Variants in GPR153 observed in about 807,000 individuals in gnomAD.
GPR153 encodes probable G protein-coupled receptor 153.
GPR153 carries 27 observed loss-of-function variants against 34.1 expected under a neutral mutation model. The ratio of observed to expected loss-of-function variants is 0.79; its 90% CI spans 0.58 to 1.09. The LOEUF (loss-of-function observed/expected upper bound fraction) is 1.09. Ranked by LOEUF, GPR153 falls within the 50% of genes least tolerant of loss-of-function variation. The probability of loss-of-function intolerance (pLI) is 0.00; values close to 1 mark genes in which losing one functional copy is unlikely to be tolerated. For missense variants in GPR153, 848 were observed against 860.2 expected, an observed-to-expected ratio of 0.99 and a Z score of 0.18; for synonymous variants, 408 against 405.4, an observed-to-expected ratio of 1.01 and a Z score of -0.08.
At chr1:6,250,405 C>A in intron 5 of GPR153, 35 bp downstream of exon 5, 1 of 1,533,300 alleles carries the variant, frequency 6.5e-7, no homozygotes, top group East Asian at 2.4e-5. Context: ...CCCTGTCACC[C>A]GCAGGTGCGG....
At chr1:6,254,430 G>A in intron 2 of GPR153, 120 bp downstream of exon 2, 1 of 966,712 alleles carries the variant, frequency 1.0e-6, no homozygotes, top group Admixed American at 2.4e-5. Context: ...TCCTGAGCCT[G>A]CCTGCCCTCC....
At chr1:6,255,557 A>T (rs115991373) in intron 1 of GPR153, among the ~76,000 whole-genome samples, 4,525 of 145,556 alleles carry the variant, frequency 0.031, 233 homozygotes, top group African/African-American at 0.11. Flanking sequence ...TCACTGTGGC[A>T]TGGAACTCCT....
Position 6,255,449 on chromosome 1 carries a change from G to A in GPR153, c.-109-435C>T, listed in dbSNP as rs1030946657. On this transcript the variant is annotated intron_variant, in intron 1 of 5. Transcript: ENST00000377893. ...CCTGACCTCGTAATCTGCCCGCCTC[G>A]GCCTCCCAAAGTGCTGGGATTACAA... is the stretch of plus-strand genomic sequence containing the variant. Among the ~76,000 whole-genome samples the A allele has an allele frequency of 7.9e-5, 12 of 151,294 alleles. 1 individual carries two copies. The highest frequency in any genetic ancestry group is 6.9e-3 in the Middle Eastern group (2 of 290).
In GPR153 at chr1:6,251,929, G is replaced by A. The variant is rs950264143; in HGVS notation, c.787-399C>T. ...TCCTGCCTCGGCCTCCCAAAGTGCTGGGATTACGGGTATGAATCACTGTGC... is the reference window on the plus strand; with the variant it reads ...TCCTGCCTCGGCCTCCCAAAGTGCTAGGATTACGGGTATGAATCACTGTGC... On this transcript the variant is annotated intron_variant, in intron 3 of 5. Coordinates refer to ENST00000377893, the MANE Select transcript of GPR153 (RefSeq NM_207370.4). The surrounding 1 kb of genome is among the most constrained non-coding windows in gnomAD (Gnocchi z 4.9). 2.0e-5 allele frequency among the ~76,000 whole-genome samples: 3 copies of A among 152,162 alleles called. No individual in the cohort carries two copies. Among genetic ancestry groups the A allele is most frequent in the Non-Finnish European group, 4.4e-5 (3 of 68,028 alleles).
intron 1 of GPR153, among the ~76,000 whole-genome samples, chr1:6,255,658 T>G (rs1458128887): frequency 7.3e-6 from 1 of 137,744 alleles, no homozygotes; most frequent in Non-Finnish European, 1.6e-5. Flanking sequence ...TTTTTTTTTT[T>G]TTTTTTTTTT....
rs1429041059 is a variant in GPR153, at chr1:6,247,844, G to C, written c.*1494C>G. 6.6e-6 allele frequency: 1 copy of C among 152,306 alleles called. No individual in the cohort carries two copies. The highest frequency in any genetic ancestry group is 1.5e-5 in the Non-Finnish European group (1 of 68,108). The allele number at this position is 152,306 out of a possible 1,614,324, so 9.4% of individuals were successfully genotyped here. On this transcript the variant is annotated 3_prime_UTR_variant, in exon 6 of 6. Coordinates refer to ENST00000377893, the MANE Select transcript of GPR153 (RefSeq NM_207370.4). ...CCTGCCTTGCTCACCTGTGGCCACA[G>C]CTCATACCCCCAGTTACCCCACAGC...
chr1:6,254,038 A>C lies in GPR153; in HGVS notation c.466T>G (p.Phe156Val), dbSNP rs1012715848. ...AVGWHDTSER[F>V]YTHGCRFIVA... ...ATGAAGCGGCAGCCATGGGTGTAGA[A>C]GCGCTCGCTGGTGTCGTGCCAGCCA... Residue 156 changes from phenylalanine to valine, a missense_variant, in exon 3 of 6, where the codon TTC (phenylalanine) becomes GTC (valine). Coordinates refer to ENST00000377893, the MANE Select transcript of GPR153 (RefSeq NM_207370.4). 25 of 1,613,408 alleles carry C rather than the reference A, an allele frequency of 1.5e-5. No individual in the cohort carries two copies. The highest frequency in any genetic ancestry group is 2.1e-5 in the Non-Finnish European group (25 of 1,179,996).
chr1:6,256,642 T>G (rs886510222), intron 1 of GPR153, among the ~76,000 whole-genome samples: 8 of 152,166 alleles, frequency 5.3e-5, no homozygotes, highest in Non-Finnish European at 7.3e-5. Flanking sequence ...AGTGCTGGGA[T>G]TACAGGCATG....
Position 6,251,252 on chromosome 1 carries a change from C to A in GPR153, c.979+86G>T. On this transcript the variant is annotated intron_variant, in intron 4 of 5. Transcript: ENST00000377893. This position sits in a 1 kb window ranked among gnomAD's most constrained non-coding sequence, Gnocchi z 4.9. The stretch of plus-strand genomic sequence containing the variant: ...GAGAATGAAGTCACCTCCTTAGTGG[C>A]GTTGCCTGACAGCCGTTTTCCTGCC... 1 of 1,033,632 alleles carries A rather than the reference C, an allele frequency of 9.7e-7. No individual in the cohort carries two copies. Among genetic ancestry groups the A allele is most frequent in the African/African-American group, 1.6e-5 (1 of 62,654 alleles). 64.0% of individuals were successfully genotyped at this position (1,033,632 alleles called of 1,614,324 possible). A position where few individuals can be genotyped will look rare whatever the true frequency, so the allele number is the denominator to read the frequency against.
chr1:6,255,025 G>T lies in GPR153; in HGVS notation c.-109-11C>A. On this transcript the variant is annotated splice_polypyrimidine_tract_variant and intron_variant, in intron 1 of 5. Transcript: ENST00000377893. ...GGGGACCACGAGCATCTGTGGGGGG[G>T]TGGCAGTGGGCACTCAGTGACTTCC... 3.1e-6 allele frequency: 2 copies of T among 654,798 alleles called. No individual in the cohort carries two copies. Among genetic ancestry groups the T allele is most frequent in the Non-Finnish European group, 4.9e-6 (2 of 404,940 alleles). The allele number at this position is 654,798 out of a possible 1,614,324, so 40.6% of individuals were successfully genotyped here. A position where few individuals can be genotyped will look rare whatever the true frequency, so the allele number is the denominator to read the frequency against.
chr1:6,254,521 C>T, intron 2 of GPR153, 29 bp downstream of exon 2: 1 of 1,524,228 alleles, frequency 6.6e-7, no homozygotes, highest in South Asian at 1.3e-5. Flanking sequence ...GCTTAGAACC[C>T]CAAGAACCCC....
rs558823592 is a variant in GPR153 at position 6,257,910 on chromosome 1, A to G, written c.-109-2896T>C. 1.1e-4 allele frequency among the ~76,000 whole-genome samples: 17 copies of G among 152,296 alleles called. No homozygotes were observed. The South Asian group carries it at 3.5e-3, about 32-fold the overall frequency. On this transcript the variant is annotated intron_variant, in intron 1 of 5. Coordinates refer to ENST00000377893, the MANE Select transcript of GPR153 (RefSeq NM_207370.4). ...GCCTACTTGTGCTCTGCTCACACTT[A>G]ACTGGCCCTTCTTACCCAGGGGCCA...
rs1219548031 is a variant in GPR153 at position 6,260,955 on chromosome 1, G to A, written c.-240C>T. 6.8e-6 allele frequency: 1 copy of A among 146,222 alleles called. No homozygotes were observed. The highest frequency in any genetic ancestry group is 2.0e-4 in the East Asian group (1 of 5,070). The allele number at this position is 146,222 out of a possible 1,614,324, so 9.1% of individuals were successfully genotyped here. A position where few individuals can be genotyped will look rare whatever the true frequency, so the allele number is the denominator to read the frequency against. ...TGGCTGGCGGCGGAGCGGCCCGCGG[G>A]CCGGGGCATGCTGGCGGCGGCCACC... On this transcript the variant is annotated 5_prime_UTR_variant, in exon 1 of 6. Transcript: ENST00000377893.
intron 2 of GPR153, 56 bp downstream of exon 2, chr1:6,254,494 T>G: frequency 2.1e-6 from 3 of 1,426,258 alleles, no homozygotes; most frequent in Non-Finnish European, 1.9e-6. Flanking sequence ...ACCAGATATG[T>G]CTTTGTTTTC....
Position 6,249,265 on chromosome 1 carries a change from C to A in GPR153, c.*73G>T, listed in dbSNP as rs1280188085. 3 of 1,099,284 alleles carry A rather than the reference C, an allele frequency of 2.7e-6. No homozygotes were observed. The highest frequency in any genetic ancestry group is 3.5e-6 in the Non-Finnish European group (3 of 866,350). The allele number at this position is 1,099,284 out of a possible 1,614,324, so 68.1% of individuals were successfully genotyped here. On this transcript the variant is annotated 3_prime_UTR_variant, in exon 6 of 6. Transcript: ENST00000377893. The surrounding 1 kb of genome is among the most constrained non-coding windows in gnomAD (Gnocchi z 4.3). ...CGCATGTCTGCGCGCGGGGCGGAGG[C>A]GGGCGTCTTTGGTGCTGCGGCCCCG...
chr1:6,253,916 G>C lies in GPR153; in HGVS notation c.588C>G (p.Phe196Leu). ...MGVICTAIAL[F>L]QTLAVQVGRQ... ...GCCCCACCTGCACGGCCAGCGTCTG[G>C]AAGAGGGCGATGGCTGTGCAGATCA... The change falls in exon 3 of 6, where the codon TTC becomes TTG. Residue 196 changes from phenylalanine to leucine, a missense_variant. By Grantham distance (22) the Phe-to-Leu change is conservative. Coordinates refer to ENST00000377893, the MANE Select transcript of GPR153 (RefSeq NM_207370.4). 1.9e-6 allele frequency: 3 copies of C among 1,610,588 alleles called. No homozygotes were observed. The highest frequency in any genetic ancestry group is 2.5e-6 in the Non-Finnish European group (3 of 1,178,926).
At chr1:6,250,061 C>T (rs1012762193) in intron 5 of GPR153, 58 bp from the exon 6 acceptor site, 6 of 1,261,726 alleles carry the variant, frequency 4.8e-6, no homozygotes, top group Admixed American at 8.3e-5. Context: ...CGGGGACAAA[C>T]CCTTCTCCAC....
At position 6,249,445 on chromosome 1, in the gene GPR153, G is replaced by GC. The variant is rs1391147733; in HGVS notation, c.1722dup (p.Leu575AlafsTer131). On this transcript the variant is annotated frameshift_variant, in exon 6 of 6. Coordinates refer to ENST00000377893, the MANE Select transcript of GPR153 (RefSeq NM_207370.4). LOFTEE classifies it high-confidence loss of function. This position sits in a 1 kb window ranked among gnomAD's most constrained non-coding sequence, Gnocchi z 4.3. ...CTGCCGCCGCCGCCCGCCGCGCGCA[G>GC]CCCCCCGGGCTCGCCCCACGACGCG... The GC allele has an allele frequency of 1.3e-5, 17 of 1,356,324 alleles. No individual in the cohort carries two copies. The highest frequency in any genetic ancestry group is 7.2e-5 in the South Asian group (4 of 55,638). The allele number at this position is 1,356,324 out of a possible 1,614,324, so 84.0% of individuals were successfully genotyped here.
At chr1:6,255,644 T>G (rs1421590300) in intron 1 of GPR153, among the ~76,000 whole-genome samples, 3 of 67,876 alleles carry the variant, frequency 4.4e-5, no homozygotes, top group Admixed American at 2.5e-4. Flanking sequence ...CTGGCTACGT[T>G]TTTTTTTTTT....
Sources: allele counts gnomAD v4.1 joint callset (sites outside exome capture counted in the v4.1 genomes callset), GRCh38; gene constraint gnomAD v4.1.1; non-coding constraint Gnocchi (gnomAD v3.1); transcripts MANE v1.5; gene names NCBI Gene and HGNC (gene_info 2026-07-23, HGNC 2026-07-21).